The following PRSS48 variants were observed in gnomAD, a reference collection of about 807,000 sequenced individuals.
PRSS48 encodes the protein epidermis-specific serine protease-like protein.
A neutral mutation model predicts 25.6 loss-of-function variants in PRSS48; 21 were observed. That is an observed-to-expected ratio of 0.82 (90% CI 0.58 to 1.18). The LOEUF is 1.18. Ranked by LOEUF, PRSS48 falls within the 50% of genes most tolerant of loss-of-function variation. PRSS48 has a pLI of 0.00. For missense variants in PRSS48, 373 were observed against 399.3 expected (o/e 0.93, Z 0.56); for synonymous variants, 150 against 149.3 (o/e 1.00, Z -0.04).
At chr4:151,282,196 A>C (rs1774304701) in exon 3 of PRSS48, 13 of 1,613,980 alleles carry the variant, frequency 8.1e-6, no homozygotes, top group Non-Finnish European at 9.3e-6. Context: ...CGATTACAGT[A>C]GGTGACTCAA....
In PRSS48 at chr4:151,282,196, AG is replaced by A. The variant is rs750358616; in HGVS notation, c.266del (p.Gly89ValfsTer7). 3.1e-6 allele frequency: 5 copies of A among 1,613,862 alleles called. No homozygotes were observed. Among genetic ancestry groups the A allele is most frequent in the Non-Finnish European group, 4.2e-6 (5 of 1,179,886 alleles). ...CTGTGTGGCTAGGATCGATTACAGT[AG>A]GTGACTCAAGGAAACGTGTGAAGTA... On this transcript the variant is annotated frameshift_variant, in exon 3 of 5. Transcript: ENST00000455694. LOFTEE classifies it high-confidence loss of function.
exon 5 of PRSS48, chr4:151,291,201 T>C (rs1231022545): frequency 6.2e-7 from 1 of 1,613,898 alleles, no homozygotes; most frequent in Middle Eastern, 1.6e-4. Flanking sequence ...TAGAATGTGG[T>C]AAATCTCTTC....
Position 151,287,265 on chromosome 4 carries a change from C to T in PRSS48, c.652-3853C>T, listed in dbSNP as rs922287544. On this transcript the variant is annotated intron_variant, in intron 4 of 4. Coordinates refer to ENST00000455694, the Ensembl canonical transcript of PRSS48. Reference sequence around the variant, plus strand: ...CTGAGGGAGGAGAATCACTTGAACCCGGGAGGCAGAGGTTTCAGTAAGTCA... The same window carrying T: ...CTGAGGGAGGAGAATCACTTGAACCTGGGAGGCAGAGGTTTCAGTAAGTCA... Among the ~76,000 whole-genome samples, 5 of 148,446 alleles carry T rather than the reference C, an allele frequency of 3.4e-5. No homozygotes were observed. The East Asian group carries it at 6.0e-4, about 18-fold the overall frequency.
At chr4:151,285,458 A>C (rs1774653853) in intron 4 of PRSS48, among the ~76,000 whole-genome samples, 1 of 152,222 alleles carries the variant, frequency 6.6e-6, no homozygotes, top group African/African-American at 2.4e-5. Context: ...AGAAATATGG[A>C]AATTCACAAA....
rs73861149 is a variant in PRSS48, at chr4:151,279,361, T to A, written c.53-435T>A. 9.0e-3 allele frequency among the ~76,000 whole-genome samples: 1,372 copies of A among 152,064 alleles called. 19 individuals are homozygous for A. Among genetic ancestry groups the A allele is most frequent in the African/African-American group, 0.03 (1,261 of 41,480 alleles). On this transcript the variant is annotated intron_variant, in intron 1 of 4. Coordinates refer to ENST00000455694, the Ensembl canonical transcript of PRSS48. ...CACTATCCCTGGTTTAAAAAAAAAA[T>A]TTTAAGTTAAATGATATTCCATGTG... is the stretch of plus-strand genomic sequence containing the variant.
In PRSS48 at chr4:151,279,838, AG is replaced by A; in HGVS notation, c.97del (p.Asp33MetfsTer30). ...TACTCCAGCCGCGTTGTAGGTGGCC[AG>A]GATGCTGCTGCAGGGCGCTGGCCTT... is the stretch of plus-strand genomic sequence containing the variant. On this transcript the variant is annotated frameshift_variant, in exon 2 of 5. Coordinates refer to ENST00000455694, the Ensembl canonical transcript of PRSS48. LOFTEE classifies it high-confidence loss of function. 1.9e-6 allele frequency: 3 copies of A among 1,613,026 alleles called. No homozygotes were observed. Among genetic ancestry groups the A allele is most frequent in the Non-Finnish European group, 2.5e-6 (3 of 1,179,452 alleles).
intron 2 of PRSS48, among the ~76,000 whole-genome samples, chr4:151,280,256 G>A (rs1774086631): frequency 6.6e-6 from 1 of 152,162 alleles, no homozygotes; most frequent in Non-Finnish European, 1.5e-5. Flanking sequence ...TGAGCTCTAA[G>A]AGCCACTGCT....
Position 151,291,180 on chromosome 4 carries a change from AAG to A in PRSS48, c.715_716del (p.Ser239LeufsTer7), listed in dbSNP as rs1775302976. On this transcript the variant is annotated frameshift_variant, in exon 5 of 5. Transcript: ENST00000455694. LOFTEE classifies it low-confidence loss of function (END_TRUNC). ...GTGTATGGATCCAGACAGGAGTAGT[AAG>A]CTGGGGATTAGAATGTGGTAAATCT... 1 of 1,613,836 alleles carries A rather than the reference AAG, an allele frequency of 6.2e-7. No individual in the cohort carries two copies. Among genetic ancestry groups the A allele is most frequent in the African/African-American group, 1.3e-5 (1 of 74,928 alleles).
chr4:151,282,564 ATC>A (rs1424754784), intron 3 of PRSS48, among the ~76,000 whole-genome samples, 151 bp downstream of exon 3: 1 of 152,228 alleles, frequency 6.6e-6, no homozygotes, highest in Non-Finnish European at 1.5e-5. Flanking sequence ...TAAATAAAAT[ATC>A]TTTTTTGACA....
In PRSS48 at chr4:151,284,686, G is replaced by A. The variant is rs148526348; in HGVS notation, c.651+1400G>A. On this transcript the variant is annotated intron_variant, in intron 4 of 4. Transcript: ENST00000455694. ...ATCTAATCATTTTGGAATATATCCT[G>A]GACAATGTCAATAGCATGGTGTAGG... Among the ~76,000 whole-genome samples, 13 of 152,202 alleles carry A rather than the reference G, an allele frequency of 8.5e-5. 1 individual carries two copies. The highest frequency in any genetic ancestry group is 1.9e-4 in the African/African-American group (8 of 41,520).
downstream of PRSS48, chr4:151,291,495 C>T: frequency 1.5e-6 from 2 of 1,346,500 alleles, no homozygotes; most frequent in South Asian, 2.8e-5. Context: ...ACTTTATTTA[C>T]AATTTGAAAT....
chr4:151,283,073 T>C, intron 3 of PRSS48, 44 bp from the exon 4 acceptor site: 1 of 1,596,226 alleles, frequency 6.3e-7, no homozygotes, highest in Non-Finnish European at 8.6e-7. Context: ...GCCCCTGCAC[T>C]TTTCTAGGTT....
At chr4:151,283,134 G>T in exon 4 of PRSS48, 1 of 1,613,712 alleles carries the variant, frequency 6.2e-7, no homozygotes, top group South Asian at 1.1e-5. Flanking sequence ...TTACCATTCT[G>T]CCCTTCAGGA....
At chr4:151,279,102 C>G in intron 1 of PRSS48, 3 of 423,792 alleles carry the variant, frequency 7.1e-6, no homozygotes, top group Non-Finnish European at 1.4e-5. Flanking sequence ...AAAGCTGTGG[C>G]CCAAGTATAG....
At chr4:151,290,586 G>T (rs1775223901) in intron 4 of PRSS48, among the ~76,000 whole-genome samples, 2 of 152,262 alleles carry the variant, frequency 1.3e-5, no homozygotes, top group South Asian at 2.1e-4. Flanking sequence ...TCTTTTTAGG[G>T]TGATAAAAAT....
chr4:151,284,996 ACT>A (rs1774607623), intron 4 of PRSS48, among the ~76,000 whole-genome samples: 1 of 151,976 alleles, frequency 6.6e-6, no homozygotes, highest in Non-Finnish European at 1.5e-5. Context: ...GTAGCTCTGA[ACT>A]CTATCCTCTA....
intron 4 of PRSS48, among the ~76,000 whole-genome samples, chr4:151,289,915 AAAT>A (rs948482315): frequency 6.6e-6 from 1 of 152,204 alleles, no homozygotes; most frequent in Admixed American, 6.5e-5. Flanking sequence ...CCCCATCTCT[AAAT>A]AAACAAAGAA....
chr4:151,277,651 G>A (rs1773771931), intron 1 of PRSS48, among the ~76,000 whole-genome samples: 1 of 152,134 alleles, frequency 6.6e-6, no homozygotes, highest in South Asian at 2.1e-4. Flanking sequence ...CAGGAAAAGA[G>A]CATCTCAAGC....
chr4:151,284,304 T>C (rs1774531099), intron 4 of PRSS48, among the ~76,000 whole-genome samples: 2 of 152,228 alleles, frequency 1.3e-5, no homozygotes, highest in African/African-American at 4.8e-5. Context: ...TTTAAATTGA[T>C]CTGTATTGAA....
Sources: gnomAD v4.1 joint callset for allele counts (sites outside exome capture counted in the v4.1 genomes callset) on GRCh38, gnomAD v4.1.1 for gene constraint, MANE v1.5 for transcripts, NCBI Gene and HGNC (gene_info 2026-07-23, HGNC 2026-07-21) for gene names.